CIT: variants seen among roughly 807,000 people sequenced by gnomAD.
CIT encodes the protein citron Rho-interacting kinase.
In CIT, 79 loss-of-function variants were observed where a neutral mutation model predicts 272.7. The ratio of observed to expected loss-of-function variants is 0.29; its 90% confidence interval spans 0.24 to 0.35. The LOEUF (loss-of-function observed/expected upper bound fraction) is 0.35. Ranked by LOEUF, CIT falls within the 10% of genes least tolerant of loss-of-function variation. The probability of loss-of-function intolerance (pLI) is 1.00; values close to 1 mark genes in which losing one functional copy is unlikely to be tolerated. For missense variants in CIT, 1,909 were observed against 2,618.3 expected (o/e 0.73, Z 5.91); for synonymous variants, 948 against 995.6 (o/e 0.95, Z 0.90).
At chr12:119,696,187 CTT>C (rs1421820799) in intron 46 of CIT, among the ~76,000 whole-genome samples, 1 of 152,166 alleles carries the variant, frequency 6.6e-6, no homozygotes, top group Non-Finnish European at 1.5e-5. Flanking sequence ...TACTGTACAC[CTT>C]TCTTATCCTT....
chr12:119,838,645 C>T (rs554998978), intron 5 of CIT, among the ~76,000 whole-genome samples: 12 of 152,328 alleles, frequency 7.9e-5, no homozygotes, highest in Non-Finnish European at 1.5e-4. Flanking sequence ...TCCATAGCAG[C>T]AATGCCCTTG....
In CIT at chr12:119,784,238, C is replaced by G. The variant is rs545059207; in HGVS notation, c.1402-187G>C. The G allele has an allele frequency of 6.0e-5, 96 of 1,594,168 alleles. No homozygotes were observed. The South Asian group carries it at 1.1e-3, about 18-fold the overall frequency. On this transcript the variant is annotated intron_variant, in intron 11 of 47. Transcript: ENST00000392521. This position sits in a 1 kb window ranked among gnomAD's most constrained non-coding sequence, Gnocchi z 4.7. ...ACAGTTCTTCGTTAAGGACAGTCAC[C>G]AAATGCTAAGTCACTCCTCTCATTC...
chr12:119,870,124 C>G (rs1950624502), intron 2 of CIT, among the ~76,000 whole-genome samples: 1 of 152,222 alleles, frequency 6.6e-6, no homozygotes, highest in Non-Finnish European at 1.5e-5. Context: ...TCTGTAGGCA[C>G]ATGCTACTCC....
rs765423761 is a variant in CIT, at chr12:119,857,625, A to C, written c.312T>G (p.Gly104=). ...CCTGCACTTCAGCAAAGTGACCACAACCTACAAGACTTCTGACTTCGAAGT... is the reference window on the plus strand; with the variant it reads ...CCTGCACTTCAGCAAAGTGACCACACCCTACAAGACTTCTGACTTCGAAGT... ...AKDFEVRSLV[G]CGHFAEVQVV... The change falls in exon 4 of 48, where the codon GGT becomes GGG. Residue 104 remains glycine (G), a synonymous_variant. Transcript: ENST00000392521. The C allele has an allele frequency of 1.2e-6, 2 of 1,614,050 alleles. No homozygotes were observed. Among genetic ancestry groups the C allele is most frequent in the Non-Finnish European group, 1.7e-6 (2 of 1,180,032 alleles).
intron 24 of CIT, among the ~76,000 whole-genome samples, chr12:119,740,629 C>T (rs761675976): frequency 6.6e-6 from 1 of 151,990 alleles, no homozygotes; most frequent in African/African-American, 2.4e-5. Flanking sequence ...CTAATGCACA[C>T]ATTTTTTAAA....
chr12:119,710,688 T>C lies in CIT; in HGVS notation c.4855-68A>G, dbSNP rs932913089. On this transcript the variant is annotated intron_variant, in intron 37 of 47. Transcript: ENST00000392521. The surrounding 1 kb of genome is among the most constrained non-coding windows in gnomAD (Gnocchi z 5.6). ...GGCTGATCTGTTTATGACCAAACCA[T>C]CCAGAGAAACCAAGAGAAGGTTAAG... 49 of 1,451,468 alleles carry C rather than the reference T, an allele frequency of 3.4e-5. No individual in the cohort carries two copies. Among genetic ancestry groups the C allele is most frequent in the Non-Finnish European group, 4.6e-5 (48 of 1,033,346 alleles). The allele number at this position is 1,451,468 out of a possible 1,614,324, so 89.9% of individuals were successfully genotyped here. A position where few individuals can be genotyped will look rare whatever the true frequency, so the allele number is the denominator to read the frequency against.
chr12:119,869,919 G>A (rs1019913473), intron 2 of CIT, among the ~76,000 whole-genome samples: 2 of 152,084 alleles, frequency 1.3e-5, no homozygotes, highest in Non-Finnish European at 1.5e-5. Flanking sequence ...TGCCCCTCCC[G>A]GTAGCAGATG....
intron 10 of CIT, among the ~76,000 whole-genome samples, chr12:119,791,040 T>C (rs1159667275): frequency 2.0e-5 from 3 of 152,206 alleles, no homozygotes; most frequent in African/African-American, 7.2e-5. Flanking sequence ...GTATTATTCA[T>C]GGCATTAAGG....
chr12:119,735,218 A>G lies in CIT; in HGVS notation c.3098T>C (p.Val1033Ala), dbSNP rs1411896633. 2.5e-6 allele frequency: 4 copies of G among 1,614,002 alleles called. No individual in the cohort carries two copies. In the African/African-American group the frequency reaches 5.3e-5, roughly 22 times the overall value. ...NDEIVQLRSE[V>A]DHLRREITER... ...CGTGATCTCCCGGCGGAGATGGTCC[A>G]CTTCACTTCGCAGTTGTACAATCTC... Residue 1033 changes from valine (V) to alanine (A), a missense_variant, in exon 25 of 48, where the codon GTG becomes GCG. Coordinates refer to ENST00000392521, the MANE Select transcript of CIT (RefSeq NM_001206999.2).
chr12:119,773,638 G>A (rs1566022185), intron 16 of CIT, among the ~76,000 whole-genome samples: 2 of 152,098 alleles, frequency 1.3e-5, no homozygotes, highest in Non-Finnish European at 1.5e-5. Context: ...TCACCATGTT[G>A]GTCAGGCTGG....
At position 119,752,133 on chromosome 12, in the gene CIT, C is replaced by T. The variant is rs1475867999; in HGVS notation, c.2821G>A (p.Ala941Thr). ...GCCTGGCGAAGCTGGCTCTCCAGGG[C>T]CGCCCGTGCAGCCTGCAGGGCTGTC... ...QLTALQAARA[A>T]LESQLRQAKT... is the part of the protein sequence containing the mutation. The change falls in exon 23 of 48, where the codon GCC becomes ACC. Residue 941 changes from alanine (A) to threonine (T), a missense_variant. This residue lies in a region of CIT where 530 missense variants were observed against 822.4 expected (regional missense o/e 0.64). Transcript: ENST00000392521. The T allele has an allele frequency of 2.5e-6, 4 of 1,613,068 alleles. No individual in the cohort carries two copies. In the South Asian group the frequency reaches 4.4e-5, roughly 18 times the overall value.
At chr12:119,803,467 C>G in intron 9 of CIT, 78 bp from the exon 10 acceptor site, 1 of 1,078,866 alleles carries the variant, frequency 9.3e-7, no homozygotes, top group East Asian at 2.7e-5. Context: ...CGGAGAAGAT[C>G]GTCTTACTCC....
chr12:119,835,130 C>A (rs918550121), intron 5 of CIT, among the ~76,000 whole-genome samples: 1 of 152,244 alleles, frequency 6.6e-6, no homozygotes, highest in Non-Finnish European at 1.5e-5. Flanking sequence ...AACTCTTCTA[C>A]CCCAAGGAAC....
At chr12:119,823,118 A>G in intron 8 of CIT, 145 bp from the exon 9 acceptor site, 2 of 785,032 alleles carry the variant, frequency 2.5e-6, no homozygotes, top group South Asian at 3.8e-5. Context: ...TTCCCTTTGG[A>G]CCAAAGGCGT....
chr12:119,827,027 T>C (rs1242036621), intron 7 of CIT, among the ~76,000 whole-genome samples: 1 of 152,162 alleles, frequency 6.6e-6, no homozygotes, highest in Non-Finnish European at 1.5e-5. Context: ...TCCTCTCTTT[T>C]TACCTCTTCC....
rs142087981 is a variant in CIT, at chr12:119,719,587, G to C, written c.3841-726C>G. ...CCCGTGCAGCCAACGTCTAGTGGGAGGCGGCCTCTGAATGTTGTGCTCATG... is the reference window on the plus strand; with the variant it reads ...CCCGTGCAGCCAACGTCTAGTGGGACGCGGCCTCTGAATGTTGTGCTCATG... On this transcript the variant is annotated intron_variant, in intron 30 of 47. Transcript: ENST00000392521. Among the ~76,000 whole-genome samples, 3 of 152,274 alleles carry C rather than the reference G, an allele frequency of 2.0e-5. No individual in the cohort carries two copies. In the East Asian group the frequency reaches 5.8e-4, roughly 29 times the overall value.
At position 119,721,360 on chromosome 12, in the gene CIT, A is replaced by G. The variant is rs1190409311; in HGVS notation, c.3681T>C (p.Asp1227=). 6 of 1,611,542 alleles carry G rather than the reference A, an allele frequency of 3.7e-6. No homozygotes were observed. The highest frequency in any genetic ancestry group is 4.5e-5 in the East Asian group (2 of 44,816). The change falls in exon 29 of 48, where the codon GAT becomes GAC. Residue 1227 remains aspartate, a synonymous_variant. Transcript: ENST00000392521. ...AGTCACTTCTTTCTGTCTTCAGTAG[A>G]TCAGCCCGATCTAGAGCTTCTTGCA... ...QGLQEALDRA[D]LLKTERSDLE...
intron 41 of CIT, among the ~76,000 whole-genome samples, chr12:119,703,424 T>C (rs1464097593): frequency 3.5e-5 from 5 of 142,500 alleles, no homozygotes; most frequent in African/African-American, 1.4e-4. Context: ...CATTTCACTT[T>C]TTTTTTTTTT....
chr12:119,774,150 G>T (rs553434400), intron 16 of CIT, among the ~76,000 whole-genome samples: 1 of 152,312 alleles, frequency 6.6e-6, no homozygotes, highest in South Asian at 2.1e-4. Context: ...AGAGGAATTC[G>T]TATTTGGTGG....
Sources: allele counts gnomAD v4.1 joint callset (sites outside exome capture counted in the v4.1 genomes callset), GRCh38; gene constraint gnomAD v4.1.1; regional missense constraint gnomAD v4.1.1; non-coding constraint Gnocchi (gnomAD v3.1); transcripts MANE v1.5; gene names NCBI Gene and HGNC (gene_info 2026-07-23, HGNC 2026-07-21).